Variants in CSMD3 observed in about 807,000 individuals in gnomAD.
CSMD3 encodes CUB and Sushi multiple domains 3.
Under a neutral mutation model 435.2 loss-of-function variants are expected in CSMD3, and 177 were observed. That is an observed-to-expected ratio of 0.41 (90% CI 0.36 to 0.46). The LOEUF (loss-of-function observed/expected upper bound fraction) is 0.46. Among genes scored for constraint, CSMD3 ranks in the 20% least tolerant of loss-of-function variants. The probability of loss-of-function intolerance (pLI) is 0.34; values close to 1 mark genes in which losing one functional copy is unlikely to be tolerated. For synonymous variants in CSMD3, 1,656 were observed against 1,520.5 expected (o/e 1.09, Z -2.07); for missense variants, 4,265 against 4,504.6 (o/e 0.95, Z 1.52).
chr8:113,367,286 A>G (rs2094318385), intron 1 of CSMD3, among the ~76,000 whole-genome samples: 1 of 151,996 alleles, frequency 6.6e-6, no homozygotes, highest in Admixed American at 6.6e-5. Flanking sequence ...TTCTGGAATA[A>G]CATATTCTTT....
At chr8:112,796,741 C>G (rs2132314448) in intron 13 of CSMD3, among the ~76,000 whole-genome samples, 1 of 152,012 alleles carries the variant, frequency 6.6e-6, no homozygotes, top group African/African-American at 2.4e-5. Context: ...GTTATACTTC[C>G]TTTTCAGCAA....
chr8:112,568,298 A>G (rs538089364), intron 24 of CSMD3, among the ~76,000 whole-genome samples: 53 of 152,292 alleles, frequency 3.5e-4, no homozygotes, highest in African/African-American at 1.3e-3. Flanking sequence ...AATTTGCTTT[A>G]GAAAAAGGAA....
At chr8:112,248,631 C>T (rs968845782) in intron 63 of CSMD3, among the ~76,000 whole-genome samples, 1 of 152,060 alleles carries the variant, frequency 6.6e-6, no homozygotes, top group African/African-American at 2.4e-5. Context: ...CCCTTAATTC[C>T]TACCCCCTCT....
At chr8:113,345,688 GT>G (rs956380133) in intron 1 of CSMD3, among the ~76,000 whole-genome samples, 1 of 151,982 alleles carries the variant, frequency 6.6e-6, no homozygotes, top group East Asian at 1.9e-4. Context: ...ATTTACTTCT[GT>G]TTTTTTAAAA....
At chr8:113,357,875 A>G (rs1040888841) in intron 1 of CSMD3, among the ~76,000 whole-genome samples, 1 of 152,096 alleles carries the variant, frequency 6.6e-6, no homozygotes, top group African/African-American at 2.4e-5. Context: ...GCCTTCTGCC[A>G]TGATTGTAAG....
intron 12 of CSMD3, among the ~76,000 whole-genome samples, chr8:112,820,496 G>T (rs2079498558): frequency 1.3e-5 from 2 of 151,846 alleles, no homozygotes; most frequent in Admixed American, 6.6e-5. Flanking sequence ...TTCTCTGTGT[G>T]CCTGATAGTC....
At chr8:112,553,557 T>C (rs1405014106) in intron 25 of CSMD3, among the ~76,000 whole-genome samples, 5 of 152,056 alleles carry the variant, frequency 3.3e-5, no homozygotes, top group Non-Finnish European at 7.4e-5. Flanking sequence ...TTGAATCTTT[T>C]GTGATAGTTC....
intron 32 of CSMD3, among the ~76,000 whole-genome samples, chr8:112,454,176 G>A (rs1216356787): frequency 6.6e-6 from 1 of 152,142 alleles, no homozygotes; most frequent in Non-Finnish European, 1.5e-5. Context: ...TACCATTCTG[G>A]ACATCGGCCT....
At position 112,318,937 on chromosome 8, in the gene CSMD3, C is replaced by G. The variant is rs772410756; in HGVS notation, c.7260G>C (p.Arg2420Ser). 2.5e-6 allele frequency: 4 copies of G among 1,604,120 alleles called. No individual in the cohort carries two copies. The highest frequency in any genetic ancestry group is 3.4e-6 in the Non-Finnish European group (4 of 1,172,760). ...DDEFEIGDII[R>S]YQCLPGFTLV... ...AAGTAAATCCTGGAAGACACTGATACCTAATAATATCACCTATTAAACAAA... is the reference window on the plus strand; with the variant it reads ...AAGTAAATCCTGGAAGACACTGATAGCTAATAATATCACCTATTAAACAAA... Residue 2420 changes from arginine to serine, a missense_variant, in exon 47 of 71, where the codon AGG becomes AGC. Coordinates refer to ENST00000297405, the MANE Select transcript of CSMD3 (RefSeq NM_198123.2).
intron 10 of CSMD3, among the ~76,000 whole-genome samples, chr8:112,917,788 T>C (rs2082617575): frequency 6.6e-6 from 1 of 151,966 alleles, no homozygotes; most frequent in African/African-American, 2.4e-5. Flanking sequence ...AACCAGGAGA[T>C]ACATAAGATA....
At chr8:112,479,194 C>T (rs559430652) in intron 31 of CSMD3, among the ~76,000 whole-genome samples, 33 of 152,176 alleles carry the variant, frequency 2.2e-4, no homozygotes, top group Non-Finnish European at 4.1e-4. Flanking sequence ...CAGAGATTCA[C>T]GGCTTTCAAA....
chr8:113,073,493 G>A (rs893448947), intron 5 of CSMD3, among the ~76,000 whole-genome samples: 4 of 151,762 alleles, frequency 2.6e-5, no homozygotes, highest in Non-Finnish European at 4.4e-5. Flanking sequence ...GCACATGTAG[G>A]TGTAACCTGG....
intron 16 of CSMD3, among the ~76,000 whole-genome samples, chr8:112,666,680 C>A (rs1176154528): frequency 6.6e-6 from 1 of 152,036 alleles, no homozygotes; most frequent in Non-Finnish European, 1.5e-5. Flanking sequence ...CTGAATAATA[C>A]CCCTTACATA....
At chr8:112,969,723 T>C (rs1301198386) in intron 7 of CSMD3, among the ~76,000 whole-genome samples, 2 of 152,022 alleles carry the variant, frequency 1.3e-5, no homozygotes, top group Non-Finnish European at 2.9e-5. Flanking sequence ...ACCCAAATTT[T>C]GTACTTAAAA....
chr8:113,378,336 C>T (rs1195581756), intron 1 of CSMD3, among the ~76,000 whole-genome samples: 1 of 152,036 alleles, frequency 6.6e-6, no homozygotes, highest in African/African-American at 2.4e-5. Context: ...CCTGAATATA[C>T]GATAATGAAA....
At chr8:112,333,082 G>A (rs1381589655) in intron 45 of CSMD3, among the ~76,000 whole-genome samples, 1 of 152,160 alleles carries the variant, frequency 6.6e-6, no homozygotes, top group African/African-American at 2.4e-5. Context: ...GCTGAGGAAA[G>A]TAGAGATCAA....
At chr8:113,228,284 A>C (rs1230887760) in intron 3 of CSMD3, among the ~76,000 whole-genome samples, 3 of 151,502 alleles carry the variant, frequency 2.0e-5, no homozygotes, top group Non-Finnish European at 4.4e-5. Flanking sequence ...TAATTATAGG[A>C]GTAAGGTAAA....
At chr8:113,213,463 C>T (rs2092863724) in intron 3 of CSMD3, among the ~76,000 whole-genome samples, 1 of 151,898 alleles carries the variant, frequency 6.6e-6, no homozygotes, top group South Asian at 2.1e-4. Context: ...CCACAGAGGA[C>T]AACCGTACCC....
rs946149577 is a variant in CSMD3, at chr8:112,486,863, G to C, written c.5278+5626C>G. 1.3e-5 allele frequency among the ~76,000 whole-genome samples: 2 copies of C among 152,060 alleles called. 1 individual carries two copies. Among genetic ancestry groups the C allele is most frequent in the South Asian group, 4.1e-4 (2 of 4,828 alleles). ...ACTCTCTAAGGGCAAGGACAAGGTTGAATTCATGTTGTTATCCCCAATTTT... is the reference window on the plus strand; with the variant it reads ...ACTCTCTAAGGGCAAGGACAAGGTTCAATTCATGTTGTTATCCCCAATTTT... On this transcript the variant is annotated intron_variant, in intron 31 of 70. Coordinates refer to ENST00000297405, the MANE Select transcript of CSMD3 (RefSeq NM_198123.2).
Sources: gnomAD v4.1 joint callset for allele counts (sites outside exome capture counted in the v4.1 genomes callset) on GRCh38, gnomAD v4.1.1 for gene constraint, MANE v1.5 for transcripts, NCBI Gene and HGNC (gene_info 2026-07-23, HGNC 2026-07-21) for gene names.